Variants in SP140 observed in about 807,000 individuals in gnomAD.
SP140 encodes the protein SP140 nuclear body protein.
SP140 carries 81 observed loss-of-function variants against 125.0 expected under a neutral mutation model. That is an observed-to-expected ratio of 0.65 (90% CI 0.54 to 0.78). The LOEUF is 0.78. Ranked by LOEUF, SP140 falls within the 30% of genes least tolerant of loss-of-function variation. The probability of loss-of-function intolerance (pLI) is 0.00; values close to 1 mark genes in which losing one functional copy is unlikely to be tolerated. For missense variants in SP140, 858 were observed against 1,037.0 expected, an observed-to-expected ratio of 0.83 and a Z score of 2.37; for synonymous variants, 312 against 354.0, an observed-to-expected ratio of 0.88 and a Z score of 1.33.
At chr2:230,277,302 C>T (rs2054861872) in intron 15 of SP140, among the ~76,000 whole-genome samples, 1 of 152,094 alleles carries the variant, frequency 6.6e-6, no homozygotes, top group African/African-American at 2.4e-5. Flanking sequence ...CAGGACTTTC[C>T]ACCAGCAAAG....
chr2:230,294,228 G>A (rs1466274298), intron 20 of SP140, 43 bp from the exon 21 acceptor site: 1 of 1,571,060 alleles, frequency 6.4e-7, no homozygotes, highest in Non-Finnish European at 8.8e-7. Flanking sequence ...TCACAAAACG[G>A]AAACACAGGC....
chr2:230,188,466 G>T, the SP140 span, among the ~76,000 whole-genome samples: 501 of 152,118 alleles, frequency 3.3e-3, 3 homozygotes, highest in African/African-American at 0.012. Context: ...TTCCAATTTG[G>T]ATGTCATTTA....
upstream of SP140, chr2:230,200,536 C>G (rs1427290): frequency 0.96 from 240,531 of 250,348 alleles, 115,639 homozygotes; most frequent in East Asian, 1. Context: ...GCTGCACTTT[C>G]GACAAGCTGT....
intron 1 of SP140, among the ~76,000 whole-genome samples, chr2:230,235,422 A>T (rs533383694): frequency 3.3e-4 from 51 of 152,262 alleles, no homozygotes; most frequent in Non-Finnish European, 6.5e-4. Flanking sequence ...ATTTTAGGAG[A>T]TATTCTAGTG....
At chr2:230,222,795 C>T (rs534233224), upstream of SP140, among the ~76,000 whole-genome samples, 1 of 150,494 alleles carries the variant, frequency 6.6e-6, no homozygotes, top group Non-Finnish European at 1.5e-5. Context: ...CAGGCAACCA[C>T]TGATCTGCTT....
intron 15 of SP140, among the ~76,000 whole-genome samples, chr2:230,276,378 G>C (rs766601994): frequency 6.6e-6 from 1 of 152,118 alleles, no homozygotes; most frequent in Non-Finnish European, 1.5e-5. Flanking sequence ...TGCCTATGCT[G>C]TATAAGTAAA....
At chr2:230,243,932 C>T in intron 5 of SP140, 121 bp downstream of exon 5, 2 of 658,128 alleles carry the variant, frequency 3.0e-6, no homozygotes, top group South Asian at 1.8e-5. Flanking sequence ...TCCATTTTGT[C>T]CTTGGATCCT....
intron 21 of SP140, among the ~76,000 whole-genome samples, chr2:230,296,750 C>A (rs1021682812): frequency 5.9e-5 from 9 of 152,094 alleles, no homozygotes; most frequent in African/African-American, 1.9e-4. Flanking sequence ...TATTGAGGCT[C>A]CTCTGGGTGG....
chr2:230,223,717 TA>T (rs1454571375), upstream of SP140, among the ~76,000 whole-genome samples: 2 of 152,128 alleles, frequency 1.3e-5, no homozygotes, highest in African/African-American at 4.8e-5. Flanking sequence ...TGTGGGCAAA[TA>T]GGGGTAAGTT....
intron 12 of SP140, among the ~76,000 whole-genome samples, chr2:230,256,424 C>CA (rs1461626539): frequency 6.7e-6 from 1 of 149,416 alleles, no homozygotes; most frequent in African/African-American, 2.5e-5. Context: ...ATCACAAGGA[C>CA]AAAAAACCAA....
intron 11 of SP140, among the ~76,000 whole-genome samples, chr2:230,254,902 A>G (rs1247020215): frequency 1.3e-5 from 2 of 152,084 alleles, no homozygotes; most frequent in African/African-American, 4.8e-5. Context: ...CCCTTGAGCC[A>G]CACTTCCCCT....
upstream of SP140, among the ~76,000 whole-genome samples, chr2:230,222,977 A>G (rs756145136): frequency 2.5e-4 from 37 of 149,558 alleles, no homozygotes; most frequent in Admixed American, 1.0e-3. Flanking sequence ...TTTAGCAGGT[A>G]TGCTAGCCAC....
intron 12 of SP140, among the ~76,000 whole-genome samples, chr2:230,258,348 A>G (rs935299930): frequency 3.9e-5 from 6 of 152,212 alleles, no homozygotes; most frequent in African/African-American, 1.4e-4. Flanking sequence ...AAAAGTAATG[A>G]TGTTTTACAA....
intron 3 of SP140, among the ~76,000 whole-genome samples, chr2:230,240,859 T>C (rs1184185245): frequency 2.0e-5 from 3 of 152,172 alleles, no homozygotes; most frequent in Non-Finnish European, 4.4e-5. Flanking sequence ...TTAAGAATGT[T>C]TATGGCAGCC....
chr2:230,210,784 G>T (rs891866237), intron 1 of SP140, among the ~76,000 whole-genome samples: 1 of 152,158 alleles, frequency 6.6e-6, no homozygotes, highest in Non-Finnish European at 1.5e-5. Flanking sequence ...GCCTGCTTAG[G>T]AATAGGTGAC....
chr2:230,308,076 A>T (rs1022300924), intron 22 of SP140, among the ~76,000 whole-genome samples: 1 of 150,376 alleles, frequency 6.6e-6, no homozygotes, highest in African/African-American at 2.4e-5. Flanking sequence ...GAATGAAATA[A>T]TGACATTCAC....
intron 1 of SP140, among the ~76,000 whole-genome samples, chr2:230,209,441 T>G (rs1417305926): frequency 6.6e-6 from 1 of 151,868 alleles, no homozygotes; most frequent in Non-Finnish European, 1.5e-5. Flanking sequence ...TGATGATGAG[T>G]GAGTGAACAT....
chr2:230,275,112 TC>T (rs2054520298), intron 15 of SP140, among the ~76,000 whole-genome samples: 2 of 152,280 alleles, frequency 1.3e-5, no homozygotes, highest in South Asian at 4.1e-4. Context: ...TGTCTTTTTT[TC>T]CCCATGCTTT....
intron 12 of SP140, among the ~76,000 whole-genome samples, chr2:230,262,511 G>A (rs1248635542): frequency 1.3e-5 from 2 of 151,936 alleles, no homozygotes; most frequent in African/African-American, 4.8e-5. Flanking sequence ...GTTTGTTCTT[G>A]TTTCTCTAGT....
Sources: gnomAD v4.1 joint callset for allele counts (sites outside exome capture counted in the v4.1 genomes callset) on GRCh38, gnomAD v4.1.1 for gene constraint, MANE v1.5 for transcripts, NCBI Gene and HGNC (gene_info 2026-07-23, HGNC 2026-07-21) for gene names.